Variants in CTXN3 observed in about 807,000 individuals in gnomAD.
The protein encoded by CTXN3 is cortexin-3.
Under a neutral mutation model 5.0 loss-of-function variants are expected in CTXN3, and 4 were observed. The ratio of observed to expected loss-of-function variants is 0.79; its 90% CI spans 0.39 to 1.82. The LOEUF is 1.82. Ranked by LOEUF, CTXN3 falls within the 40% of genes most tolerant of loss-of-function variation. CTXN3 has a pLI of 0.04. For synonymous variants in CTXN3, 48 were observed against 38.6 expected, an observed-to-expected ratio of 1.24 and a Z score of -0.91; for missense variants, 89 against 99.7, an observed-to-expected ratio of 0.89 and a Z score of 0.46.
At chr5:127,650,587 G>A (rs900217996) in intron 1 of CTXN3, among the ~76,000 whole-genome samples, 1 of 152,172 alleles carries the variant, frequency 6.6e-6, no homozygotes, top group Non-Finnish European at 1.5e-5. Flanking sequence ...GAAGTTCTTT[G>A]CTGGTAAGCA....
chr5:127,654,150 G>A (rs1749853411), intron 2 of CTXN3, among the ~76,000 whole-genome samples: 2 of 152,192 alleles, frequency 1.3e-5, no homozygotes, highest in Admixed American at 6.5e-5. Flanking sequence ...AGTAGGAGAC[G>A]TTGATACTTT....
chr5:127,652,786 T>A (rs750296597), intron 1 of CTXN3, among the ~76,000 whole-genome samples: 3 of 152,070 alleles, frequency 2.0e-5, no homozygotes, highest in Non-Finnish European at 4.4e-5. Flanking sequence ...ATGAGGACAT[T>A]CTCCACAGGT....
rs142533940 is a variant in CTXN3 at position 127,652,716 on chromosome 5, T to C, written c.-206-601T>C. ...AGGAGAGGAGGCAAGTATTATGAGG[T>C]AGGAAACCTGGAGGTGTTAGAGCAC... is the stretch of plus-strand genomic sequence containing the variant. On this transcript the variant is annotated intron_variant, in intron 1 of 2. Coordinates refer to ENST00000379445, the MANE Select transcript of CTXN3 (RefSeq NM_001048252.3). Among the ~76,000 whole-genome samples the C allele has an allele frequency of 1.8e-3, 270 of 152,168 alleles. 1 individual carries two copies. Among genetic ancestry groups the C allele is most frequent in the African/African-American group, 6.3e-3 (260 of 41,526 alleles).
rs1749933991 is a variant in CTXN3 at position 127,657,434 on chromosome 5, T to C, written c.-88T>C. ...CTTTTTCCCTGCAGATAACTCAGCCTCTCCAGAGTGCAGCCACCATGACCT... is the reference window on the plus strand; with the variant it reads ...CTTTTTCCCTGCAGATAACTCAGCCCCTCCAGAGTGCAGCCACCATGACCT... On this transcript the variant is annotated 5_prime_UTR_variant, in exon 3 of 3. Coordinates refer to ENST00000379445, the MANE Select transcript of CTXN3 (RefSeq NM_001048252.3). 2 of 1,483,990 alleles carry C rather than the reference T, an allele frequency of 1.3e-6. No homozygotes were observed. Among genetic ancestry groups the C allele is most frequent in the Admixed American group, 3.7e-5 (2 of 54,462 alleles). The allele number at this position is 1,483,990 out of a possible 1,614,324, so 91.9% of individuals were successfully genotyped here.
At chr5:127,652,130 A>G (rs561574707) in intron 1 of CTXN3, 1 of 152,346 alleles carries the variant, frequency 6.6e-6, no homozygotes, top group East Asian at 1.9e-4. Context: ...CCACCCATCA[A>G]CACGGAGGCC....
intron 2 of CTXN3, among the ~76,000 whole-genome samples, chr5:127,655,345 A>G (rs1329586733): frequency 6.6e-6 from 1 of 152,122 alleles, no homozygotes; most frequent in Admixed American, 6.5e-5. Context: ...CTCTGGCCTC[A>G]TTTGGGCTGG....
chr5:127,656,818 G>T (rs1396812269), intron 2 of CTXN3, among the ~76,000 whole-genome samples: 2 of 152,104 alleles, frequency 1.3e-5, no homozygotes, highest in African/African-American at 4.8e-5. Context: ...CATTTTTACA[G>T]CTTAGTGACC....
intron 2 of CTXN3, among the ~76,000 whole-genome samples, chr5:127,654,498 G>T (rs1446149432): frequency 6.6e-6 from 1 of 152,156 alleles, no homozygotes; most frequent in Non-Finnish European, 1.5e-5. Context: ...CATTCCTAGG[G>T]TGACTGAAGA....
Position 127,657,629 on chromosome 5 carries a change from GTTGT to G in CTXN3, c.111_114del (p.Ile39SerfsTer61). 1 of 1,614,188 alleles carries G rather than the reference GTTGT, an allele frequency of 6.2e-7. No homozygotes were observed. The highest frequency in any genetic ancestry group is 8.5e-7 in the Non-Finnish European group (1 of 1,180,022). ...AAATGACATTTGTTTTTGTGATTCT[GTTGT>G]TTATTTTCTTGGGCATTCTCATTGT... On this transcript the variant is annotated frameshift_variant, in exon 3 of 3. Transcript: ENST00000379445. LOFTEE classifies it high-confidence loss of function.
At chr5:127,654,051 C>G (rs559811606) in intron 2 of CTXN3, among the ~76,000 whole-genome samples, 1 of 152,326 alleles carries the variant, frequency 6.6e-6, no homozygotes, top group East Asian at 1.9e-4. Context: ...CTACTTACCA[C>G]ACTTTCCCCT....
intron 1 of CTXN3, among the ~76,000 whole-genome samples, chr5:127,651,288 G>A (rs571041225): frequency 1.2e-4 from 18 of 152,254 alleles, no homozygotes; most frequent in Non-Finnish European, 1.2e-4. Context: ...GTCAAGTCAC[G>A]TAACTAGGTT....
rs1749951468 is a variant in CTXN3, at chr5:127,657,803, A to C, written c.*36A>C. 1 of 1,611,040 alleles carries C rather than the reference A, an allele frequency of 6.2e-7. No homozygotes were observed. Among genetic ancestry groups the C allele is most frequent in the Non-Finnish European group, 8.5e-7 (1 of 1,177,902 alleles). On this transcript the variant is annotated 3_prime_UTR_variant, in exon 3 of 3. Coordinates refer to ENST00000379445, the MANE Select transcript of CTXN3 (RefSeq NM_001048252.3). ...GTGGGATCTCCTCCTGAGGAGATGA[A>C]GTGCTTTGTGTCTTGGTGAGGATTC... is the stretch of plus-strand genomic sequence containing the variant.
chr5:127,650,246 A>G (rs1205003477), intron 1 of CTXN3, among the ~76,000 whole-genome samples: 1 of 152,150 alleles, frequency 6.6e-6, no homozygotes, highest in African/African-American at 2.4e-5. Context: ...TGCAGAAACA[A>G]GCAGAGAACA....
intron 1 of CTXN3, among the ~76,000 whole-genome samples, chr5:127,651,120 T>C (rs1292669251): frequency 6.6e-6 from 1 of 152,184 alleles, no homozygotes; most frequent in Non-Finnish European, 1.5e-5. Flanking sequence ...AGTCTAAAGA[T>C]TGGTCTCGCT....
chr5:127,651,563 T>A, intron 1 of CTXN3: 1 of 152,070 alleles, frequency 6.6e-6, no homozygotes, highest in East Asian at 1.9e-4. Flanking sequence ...GTGTGCTTGA[T>A]CACATAATAG....
At chr5:127,650,312 T>C (rs1256398389) in intron 1 of CTXN3, among the ~76,000 whole-genome samples, 1 of 152,114 alleles carries the variant, frequency 6.6e-6, no homozygotes, top group Non-Finnish European at 1.5e-5. Context: ...CCTGTTGACA[T>C]CTGTAGCTGA....
At chr5:127,649,928 G>C (rs975591550) in intron 1 of CTXN3, among the ~76,000 whole-genome samples, 2 of 152,056 alleles carry the variant, frequency 1.3e-5, no homozygotes, top group South Asian at 4.1e-4. Context: ...TGGAACAGTA[G>C]GGCTTATTAT....
rs2126744778 is a variant in CTXN3, at chr5:127,658,130, G to C, written c.*363G>C. The C allele has an allele frequency of 4.2e-6, 1 of 237,990 alleles. No homozygotes were observed. Among genetic ancestry groups the C allele is most frequent in the African/African-American group, 2.3e-5 (1 of 43,146 alleles). The allele number at this position is 237,990 out of a possible 1,614,324, so 14.7% of individuals were successfully genotyped here. Reference sequence around the variant, plus strand: ...ACTAGAAAGGATCTCATATGAATCTGGTGACAAGGCCAGGAAGAGATTTCC... The same window carrying C: ...ACTAGAAAGGATCTCATATGAATCTCGTGACAAGGCCAGGAAGAGATTTCC... On this transcript the variant is annotated 3_prime_UTR_variant, in exon 3 of 3. Transcript: ENST00000379445.
intron 2 of CTXN3, among the ~76,000 whole-genome samples, chr5:127,656,990 T>C (rs545959138): frequency 1.2e-4 from 18 of 152,324 alleles, no homozygotes; most frequent in African/African-American, 4.3e-4. Context: ...GTAAAGTGGC[T>C]AACATGTTTC....
Sources: allele counts gnomAD v4.1 joint callset (sites outside exome capture counted in the v4.1 genomes callset), GRCh38; gene constraint gnomAD v4.1.1; transcripts MANE v1.5; gene names NCBI Gene and HGNC (gene_info 2026-07-23, HGNC 2026-07-21).